ITGA9: variants seen among roughly 807,000 people sequenced by gnomAD.
ITGA9 encodes the protein integrin subunit alpha 9, also known as integrin alpha-9.
ITGA9 carries 56 observed loss-of-function variants against 127.8 expected under a neutral mutation model. The observed-to-expected ratio is 0.44, with a 90% CI of 0.35 to 0.55. ITGA9 has a LOEUF of 0.55. Ranked by LOEUF, ITGA9 falls within the 20% of genes least tolerant of loss-of-function variation. ITGA9 has a pLI of 0.00. For synonymous variants in ITGA9, 508 were observed against 514.5 expected (o/e 0.99, Z 0.17); for missense variants, 1,196 against 1,347.1 (o/e 0.89, Z 1.76).
At chr3:37,663,816 T>C (rs1700560223) in intron 17 of ITGA9, among the ~76,000 whole-genome samples, 2 of 152,204 alleles carry the variant, frequency 1.3e-5, no homozygotes, top group African/African-American at 4.8e-5. Flanking sequence ...AGCAAGTTGC[T>C]TAACATCTCT....
intron 25 of ITGA9, 48 bp downstream of exon 25, chr3:37,780,069 A>G (rs1248768988): frequency 1.2e-6 from 2 of 1,608,694 alleles, no homozygotes; most frequent in East Asian, 2.2e-5. Context: ...AAGCATTTGA[A>G]TTGTTGACAT....
In ITGA9 at chr3:37,661,249, A is replaced by G. The variant is rs113791571; in HGVS notation, c.1916+7459A>G. ...AATGCCGTCTCTCTGGAATTCAGACATGAGATCTGGAGACTGGGTGAGAAG... is the reference window on the plus strand; with the variant it reads ...AATGCCGTCTCTCTGGAATTCAGACGTGAGATCTGGAGACTGGGTGAGAAG... On this transcript the variant is annotated intron_variant, in intron 17 of 27. Coordinates refer to ENST00000264741, the MANE Select transcript of ITGA9 (RefSeq NM_002207.3). 5.3e-3 allele frequency among the ~76,000 whole-genome samples: 807 copies of G among 152,298 alleles called. 5 individuals carry two copies. The highest frequency in any genetic ancestry group is 0.024 in the Middle Eastern group (7 of 294).
intron 18 of ITGA9, among the ~76,000 whole-genome samples, chr3:37,706,630 A>G (rs1202808383): frequency 6.6e-6 from 1 of 152,166 alleles, no homozygotes; most frequent in Non-Finnish European, 1.5e-5. Flanking sequence ...ACCTCCAAGG[A>G]ATGGATTGTC....
intron 26 of ITGA9, among the ~76,000 whole-genome samples, chr3:37,787,487 G>GT (rs200827503): frequency 0.01 from 1,571 of 152,030 alleles, 22 homozygotes; most frequent in Middle Eastern, 0.048. Flanking sequence ...AGGCCGAGAG[G>GT]TTTTTTTTAG....
intron 18 of ITGA9, among the ~76,000 whole-genome samples, 192 bp from the exon 19 acceptor site, chr3:37,732,520 C>G (rs1696305124): frequency 6.6e-6 from 1 of 152,176 alleles, no homozygotes. Context: ...GTCCTCTTAC[C>G]TGTCTTCCCA....
At chr3:37,555,384 A>G (rs1274170373) in intron 15 of ITGA9, among the ~76,000 whole-genome samples, 2 of 152,262 alleles carry the variant, frequency 1.3e-5, no homozygotes, top group East Asian at 3.8e-4. Flanking sequence ...CAGTGACCAC[A>G]TATGACTGTG....
intron 18 of ITGA9, among the ~76,000 whole-genome samples, chr3:37,718,376 C>T (rs1701156107): frequency 6.6e-6 from 1 of 152,194 alleles, no homozygotes; most frequent in Non-Finnish European, 1.5e-5. Flanking sequence ...CCCAGAGGCA[C>T]ATGACATAGG....
At chr3:37,666,369 A>G (rs1480334066) in intron 17 of ITGA9, among the ~76,000 whole-genome samples, 2 of 152,228 alleles carry the variant, frequency 1.3e-5, no homozygotes, top group African/African-American at 4.8e-5. Flanking sequence ...GCTGTAACAA[A>G]TCACCCCAGA....
intron 10 of ITGA9, 78 bp downstream of exon 10, chr3:37,517,687 T>C: frequency 9.8e-7 from 1 of 1,022,884 alleles, no homozygotes; most frequent in South Asian, 1.4e-5. Context: ...GCCTGCTCGC[T>C]GACTGTCCAT....
chr3:37,511,858 C>G (rs1036629015), intron 8 of ITGA9, among the ~76,000 whole-genome samples: 2 of 152,188 alleles, frequency 1.3e-5, no homozygotes, highest in Non-Finnish European at 2.9e-5. Flanking sequence ...CTCCCTGGGT[C>G]AGCTGCCAAC....
chr3:37,625,370 A>G (rs1196440996), intron 15 of ITGA9, among the ~76,000 whole-genome samples: 5 of 152,198 alleles, frequency 3.3e-5, no homozygotes, highest in Non-Finnish European at 7.3e-5. Flanking sequence ...TAAGCACCCA[A>G]TAAATTTCAG....
chr3:37,780,715 T>G (rs530454574), intron 25 of ITGA9, among the ~76,000 whole-genome samples: 17 of 152,374 alleles, frequency 1.1e-4, no homozygotes, highest in African/African-American at 4.1e-4. Flanking sequence ...CTGGATGGAA[T>G]GGCAGTTCTA....
chr3:37,741,701 C>G, intron 20 of ITGA9, 29 bp from the exon 21 acceptor site: 1 of 1,573,024 alleles, frequency 6.4e-7, no homozygotes. Context: ...TGTTGGCCAG[C>G]GTTCATTCAT....
chr3:37,737,173 A>G (rs923908435), intron 20 of ITGA9, among the ~76,000 whole-genome samples, 190 bp downstream of exon 20: 2 of 152,172 alleles, frequency 1.3e-5, no homozygotes, highest in African/African-American at 4.8e-5. Flanking sequence ...TGCTGCTTGC[A>G]TAGCCGCCAC....
intron 15 of ITGA9, among the ~76,000 whole-genome samples, chr3:37,565,105 A>T (rs967053425): frequency 6.6e-6 from 1 of 152,148 alleles, no homozygotes; most frequent in African/African-American, 2.4e-5. Context: ...CACATTTCTT[A>T]TGTCAGGTTC....
At chr3:37,533,101 G>A (rs1437759716) in intron 13 of ITGA9, among the ~76,000 whole-genome samples, 1 of 152,114 alleles carries the variant, frequency 6.6e-6, no homozygotes, top group African/African-American at 2.4e-5. Context: ...TTATTATTGG[G>A]ACGCTAACTA....
intron 16 of ITGA9, among the ~76,000 whole-genome samples, chr3:37,649,409 A>C (rs1007099237): frequency 1.3e-5 from 2 of 152,234 alleles, no homozygotes; most frequent in East Asian, 1.9e-4. Context: ...AATACCAACC[A>C]AAAGAGAGCA....
chr3:37,497,542 G>A (rs762776283), intron 5 of ITGA9, among the ~76,000 whole-genome samples: 4 of 152,020 alleles, frequency 2.6e-5, no homozygotes, highest in South Asian at 4.1e-4. Context: ...AAAAGATTTC[G>A]ATCTTTAATC....
At chr3:37,462,570 A>T (rs1010405726) in intron 1 of ITGA9, among the ~76,000 whole-genome samples, 1 of 152,186 alleles carries the variant, frequency 6.6e-6, no homozygotes, top group Non-Finnish European at 1.5e-5. Context: ...GCTTTGAACC[A>T]AGGTGGGACT....
Sources: allele counts gnomAD v4.1 joint callset (sites outside exome capture counted in the v4.1 genomes callset), GRCh38; gene constraint gnomAD v4.1.1; transcripts MANE v1.5; gene names NCBI Gene and HGNC (gene_info 2026-07-23, HGNC 2026-07-21).